Variants in SEC11C observed in about 807,000 individuals in gnomAD.
SEC11C encodes the protein signal peptidase complex catalytic subunit SEC11C.
A neutral mutation model predicts 21.9 loss-of-function variants in SEC11C; 10 were observed. The ratio of observed to expected loss-of-function variants is 0.46; its 90% confidence interval spans 0.28 to 0.77. The LOEUF is 0.77. Among genes scored for constraint, SEC11C ranks in the 30% least tolerant of loss-of-function variants. The pLI, the probability that SEC11C is intolerant of heterozygous loss-of-function variation, is 0.12. For missense variants in SEC11C, 145 were observed against 244.5 expected, an observed-to-expected ratio of 0.59 and a Z score of 2.71; for synonymous variants, 83 against 85.6, an observed-to-expected ratio of 0.97 and a Z score of 0.17.
intron 2 of SEC11C, among the ~76,000 whole-genome samples, chr18:59,151,246 C>T (rs1233054657): frequency 6.6e-6 from 1 of 152,170 alleles, no homozygotes; most frequent in Non-Finnish European, 1.5e-5. Flanking sequence ...CAACATCTTC[C>T]CACTGTATCT....
chr18:59,140,421 C>T (rs2069196297), intron 1 of SEC11C, among the ~76,000 whole-genome samples: 1 of 152,160 alleles, frequency 6.6e-6, no homozygotes, highest in African/African-American at 2.4e-5. Flanking sequence ...AGAGGCCTGA[C>T]TGCCGGCAGG....
At chr18:59,143,108 T>C (rs2069229491) in intron 1 of SEC11C, among the ~76,000 whole-genome samples, 1 of 152,100 alleles carries the variant, frequency 6.6e-6, no homozygotes, top group South Asian at 2.1e-4. Context: ...ATCCTAGCAC[T>C]TTGGGAGGCC....
chr18:59,157,398 C>G (rs1041097451), intron 4 of SEC11C: 6 of 459,416 alleles, frequency 1.3e-5, no homozygotes, highest in African/African-American at 1.2e-4. Context: ...ACCCAAGTGC[C>G]TACTTAGAAA....
At chr18:59,140,808 T>G (rs2069201217) in intron 1 of SEC11C, among the ~76,000 whole-genome samples, 1 of 152,162 alleles carries the variant, frequency 6.6e-6, no homozygotes, top group Non-Finnish European at 1.5e-5. Flanking sequence ...TCACTGTCTT[T>G]GGGGCCTTAT....
chr18:59,150,556 C>T (rs1043291043), intron 2 of SEC11C, among the ~76,000 whole-genome samples: 8 of 152,192 alleles, frequency 5.3e-5, no homozygotes, highest in Admixed American at 3.3e-4. Flanking sequence ...CCGACCCACT[C>T]GTGTTCACAC....
chr18:59,156,992 C>T (rs2069424966), intron 4 of SEC11C: 2 of 152,266 alleles, frequency 1.3e-5, no homozygotes, highest in Non-Finnish European at 2.9e-5. Context: ...TACCTTGTTT[C>T]CCATGAGCAG....
intron 1 of SEC11C, among the ~76,000 whole-genome samples, chr18:59,145,524 T>A (rs915864878): frequency 2.0e-5 from 3 of 152,132 alleles, no homozygotes; most frequent in Admixed American, 6.5e-5. Flanking sequence ...GGTGGAAGCA[T>A]GGACAGATAC....
At chr18:59,143,393 T>C (rs1359653768) in intron 1 of SEC11C, among the ~76,000 whole-genome samples, 2 of 151,986 alleles carry the variant, frequency 1.3e-5, no homozygotes, top group African/African-American at 4.8e-5. Context: ...ACTTTAATGT[T>C]GAATTATATT....
intron 4 of SEC11C, chr18:59,157,034 A>G (rs2069425518): frequency 6.6e-6 from 1 of 152,582 alleles, no homozygotes; most frequent in South Asian, 2.1e-4. Context: ...ATCTGATTAC[A>G]TATTGCTGTT....
Position 59,150,005 on chromosome 18 carries a change from C to T in SEC11C, c.197+383C>T, listed in dbSNP as rs8090529. Among the ~76,000 whole-genome samples, 819 of 151,722 alleles carry T rather than the reference C, an allele frequency of 5.4e-3. 3 individuals are homozygous for T. The highest frequency in any genetic ancestry group is 0.018 in the African/African-American group (758 of 41,400). ...GCAGAGAGAGCCTGTATCCCCAGTG[C>T]GTAGCATTGTGTCTAGTATTTTTTT... On this transcript the variant is annotated intron_variant, in intron 2 of 5. Coordinates refer to ENST00000587834, the MANE Select transcript of SEC11C (RefSeq NM_033280.4).
intron 1 of SEC11C, chr18:59,147,181 T>C (rs916730552): frequency 6.6e-6 from 1 of 152,222 alleles, no homozygotes. Flanking sequence ...CCAGGCCTTG[T>C]GTATTTTAAA....
At chr18:59,151,017 T>A (rs2069345425) in intron 2 of SEC11C, among the ~76,000 whole-genome samples, 1 of 152,146 alleles carries the variant, frequency 6.6e-6, no homozygotes, top group Non-Finnish European at 1.5e-5. Flanking sequence ...TTTGTCAACA[T>A]AAACCAATGA....
intron 1 of SEC11C, among the ~76,000 whole-genome samples, chr18:59,142,942 T>C (rs1297020811): frequency 6.6e-6 from 1 of 152,194 alleles, no homozygotes; most frequent in Admixed American, 6.5e-5. Context: ...TTTAACATAT[T>C]ATAGCCCAAC....
chr18:59,151,614 G>C (rs2069355743), intron 2 of SEC11C, among the ~76,000 whole-genome samples: 1 of 152,094 alleles, frequency 6.6e-6, no homozygotes, highest in Non-Finnish European at 1.5e-5. Flanking sequence ...GTTCAAGGTG[G>C]GCCAGGCTGG....
chr18:59,151,295 A>C (rs1404523071), intron 2 of SEC11C, among the ~76,000 whole-genome samples: 1 of 150,208 alleles, frequency 6.7e-6, no homozygotes, highest in Non-Finnish European at 1.5e-5. Context: ...GAAGCCACAG[A>C]TGAAATTATC....
chr18:59,156,694 A>G (rs949316506), intron 4 of SEC11C: 1 of 147,708 alleles, frequency 6.8e-6, no homozygotes, highest in South Asian at 2.2e-4. Flanking sequence ...AACAGCCATT[A>G]GAAATGTTTT....
At chr18:59,146,757 T>A (rs1177122332) in intron 1 of SEC11C, among the ~76,000 whole-genome samples, 1 of 151,802 alleles carries the variant, frequency 6.6e-6, no homozygotes, top group Non-Finnish European at 1.5e-5. Flanking sequence ...GAGGAGGATG[T>A]GAGGTGGAGG....
In SEC11C at chr18:59,139,887, T is replaced by C; in HGVS notation, c.-62T>C. The C allele has an allele frequency of 7.8e-7, 1 of 1,276,920 alleles. No homozygotes were observed. The highest frequency in any genetic ancestry group is 1.0e-6 in the Non-Finnish European group (1 of 966,860). 79.1% of individuals were successfully genotyped at this position (1,276,920 alleles called of 1,614,324 possible). ...GGGCCGGTGGGCGGGGGCCGGCAGG[T>C]GCTCCGCAGCCGTCTGTGCCACCCA... is the stretch of plus-strand genomic sequence containing the variant. On this transcript the variant is annotated 5_prime_UTR_variant, in exon 1 of 6. Transcript: ENST00000587834.
At chr18:59,153,675 C>T (rs1310142959) in intron 3 of SEC11C, among the ~76,000 whole-genome samples, 3 of 151,828 alleles carry the variant, frequency 2.0e-5, no homozygotes, top group Admixed American at 6.6e-5. Flanking sequence ...CCCAGCCTCT[C>T]GAGTAGCTGG....
Sources: allele counts gnomAD v4.1 joint callset (sites outside exome capture counted in the v4.1 genomes callset), GRCh38; gene constraint gnomAD v4.1.1; transcripts MANE v1.5; gene names NCBI Gene and HGNC (gene_info 2026-07-23, HGNC 2026-07-21).